Variants in SNTG1 observed in about 807,000 individuals in gnomAD.
SNTG1 encodes the protein gamma-1-syntrophin.
Under a neutral mutation model 74.7 loss-of-function variants are expected in SNTG1, and 39 were observed. That is an observed-to-expected ratio of 0.52 (90% CI 0.40 to 0.68). SNTG1 has a LOEUF of 0.68. Among genes scored for constraint, SNTG1 ranks in the 30% least tolerant of loss-of-function variants. The pLI, the probability that SNTG1 is intolerant of heterozygous loss-of-function variation, is 0.00. For synonymous variants in SNTG1, 254 were observed against 217.1 expected (o/e 1.17, Z -1.49); for missense variants, 685 against 609.5 (o/e 1.12, Z -1.30).
chr8:50,470,865 T>A (rs1411698013), intron 8 of SNTG1, among the ~76,000 whole-genome samples: 3 of 152,126 alleles, frequency 2.0e-5, no homozygotes, highest in Admixed American at 6.5e-5. Context: ...GTGGCCGGCG[T>A]TTATTCCCTT....
intron 2 of SNTG1, among the ~76,000 whole-genome samples, chr8:50,368,016 G>A (rs1283795221): frequency 2.0e-5 from 3 of 152,172 alleles, no homozygotes; most frequent in Non-Finnish European, 4.4e-5. Flanking sequence ...TGGTAGAAAC[G>A]TGGACATTAA....
At chr8:50,720,327 A>ATAT (rs35420902) in intron 17 of SNTG1, among the ~76,000 whole-genome samples, 87,543 of 151,760 alleles carry the variant, frequency 0.58, 27,608 homozygotes, top group Non-Finnish European at 0.69. Flanking sequence ...TCCATTTTCA[A>ATAT]TATTACTAAC....
At chr8:49,984,105 A>C (rs1286770845) in intron 1 of SNTG1, among the ~76,000 whole-genome samples, 1 of 152,232 alleles carries the variant, frequency 6.6e-6, no homozygotes, top group African/African-American at 2.4e-5. Flanking sequence ...AACATTTGGC[A>C]TTATAGTTCA....
chr8:49,921,398 GA>G (rs1370591861), intron 1 of SNTG1, among the ~76,000 whole-genome samples: 1 of 152,034 alleles, frequency 6.6e-6, no homozygotes, highest in Non-Finnish European at 1.5e-5. Context: ...GCATCCTGGA[GA>G]GAACGATTTC....
intron 1 of SNTG1, among the ~76,000 whole-genome samples, chr8:50,069,050 A>C (rs1355192328): frequency 6.6e-6 from 1 of 152,214 alleles, no homozygotes; most frequent in Non-Finnish European, 1.5e-5. Context: ...CAGACAGTTG[A>C]TAATTGTCAC....
At chr8:50,185,657 G>A (rs1586624095) in intron 2 of SNTG1, among the ~76,000 whole-genome samples, 1 of 152,046 alleles carries the variant, frequency 6.6e-6, no homozygotes, top group South Asian at 2.1e-4. Flanking sequence ...ATGTTAATTG[G>A]TTAAGAGAAA....
chr8:50,711,393 C>T (rs533675539), intron 17 of SNTG1, among the ~76,000 whole-genome samples: 1 of 152,040 alleles, frequency 6.6e-6, no homozygotes. Context: ...TGATCAAGTC[C>T]TCCAACTTTG....
chr8:50,202,488 G>A (rs1341147529), intron 2 of SNTG1, among the ~76,000 whole-genome samples: 1 of 152,044 alleles, frequency 6.6e-6, no homozygotes, highest in Non-Finnish European at 1.5e-5. Context: ...ACTTAGCAAT[G>A]TACAGTGTTT....
intron 18 of SNTG1, among the ~76,000 whole-genome samples, chr8:50,790,238 T>A (rs1487779922): frequency 6.6e-6 from 1 of 152,018 alleles, no homozygotes. Flanking sequence ...CCATCAGGAC[T>A]GTTTTGTTCC....
chr8:50,648,663 G>A (rs1311265598), intron 13 of SNTG1, among the ~76,000 whole-genome samples: 1 of 151,916 alleles, frequency 6.6e-6, no homozygotes, highest in Non-Finnish European at 1.5e-5. Context: ...CACATTGTAT[G>A]ACATTTTAAA....
At chr8:50,469,494 C>T (rs561813635) in intron 8 of SNTG1, among the ~76,000 whole-genome samples, 3 of 152,240 alleles carry the variant, frequency 2.0e-5, no homozygotes, top group South Asian at 4.1e-4. Context: ...ATTATCTGGG[C>T]TTCAGCAACT....
chr8:50,350,603 T>G (rs2091626814), intron 2 of SNTG1, among the ~76,000 whole-genome samples: 1 of 148,808 alleles, frequency 6.7e-6, no homozygotes, highest in African/African-American at 2.5e-5. Context: ...AATACACCAA[T>G]CGGCACTCTG....
At chr8:50,328,800 A>G (rs1187464772) in intron 2 of SNTG1, among the ~76,000 whole-genome samples, 1 of 152,216 alleles carries the variant, frequency 6.6e-6, no homozygotes, top group African/African-American at 2.4e-5. Context: ...TCAAAACACA[A>G]TCATACCTTC....
rs1048027783 is a variant in SNTG1, at chr8:50,439,805, A to G, written c.219+1206A>G. Among the ~76,000 whole-genome samples the G allele has an allele frequency of 4.0e-5, 6 of 150,794 alleles. No homozygotes were observed. In the East Asian group the frequency reaches 1.2e-3, roughly 29 times the overall value. Reference sequence around the variant, plus strand: ...ACTAAAGATACTAGAAAATCCATGAATAAAATCCAATAGTGAGAGCTGATT... The same window carrying G: ...ACTAAAGATACTAGAAAATCCATGAGTAAAATCCAATAGTGAGAGCTGATT... On this transcript the variant is annotated intron_variant, in intron 5 of 18. Transcript: ENST00000642720.
intron 12 of SNTG1, among the ~76,000 whole-genome samples, chr8:50,583,629 A>G (rs921158751): frequency 1.5e-4 from 23 of 151,622 alleles, no homozygotes; most frequent in Non-Finnish European, 2.6e-4. Context: ...AGTAATACGA[A>G]TTTTCTTTTT....
At chr8:50,637,588 A>G (rs1163669835) in intron 13 of SNTG1, among the ~76,000 whole-genome samples, 1 of 152,070 alleles carries the variant, frequency 6.6e-6, no homozygotes, top group African/African-American at 2.4e-5. Context: ...ATTTAGTACA[A>G]TTTTTAGTAT....
At chr8:50,584,689 T>G (rs1440207001) in intron 12 of SNTG1, among the ~76,000 whole-genome samples, 1 of 152,012 alleles carries the variant, frequency 6.6e-6, no homozygotes, top group African/African-American at 2.4e-5. Flanking sequence ...TAGGTTTTAG[T>G]TTAGACAGTA....
At chr8:50,089,916 C>T (rs1444644277) in intron 1 of SNTG1, among the ~76,000 whole-genome samples, 1 of 152,150 alleles carries the variant, frequency 6.6e-6, no homozygotes, top group Non-Finnish European at 1.5e-5. Context: ...GGTATATACC[C>T]AAATGACTAT....
At chr8:50,718,200 C>A (rs548496586) in intron 17 of SNTG1, among the ~76,000 whole-genome samples, 1 of 151,922 alleles carries the variant, frequency 6.6e-6, no homozygotes, top group Admixed American at 6.6e-5. Context: ...AGTAGGCACA[C>A]GGTGAAGGAA....
Sources: allele counts gnomAD v4.1 joint callset (sites outside exome capture counted in the v4.1 genomes callset), GRCh38; gene constraint gnomAD v4.1.1; transcripts MANE v1.5; gene names NCBI Gene and HGNC (gene_info 2026-07-23, HGNC 2026-07-21).